CDKAL1: variants seen among roughly 807,000 people sequenced by gnomAD.
The protein encoded by CDKAL1 is threonylcarbamoyladenosine tRNA methylthiotransferase.
Under a neutral mutation model 68.2 loss-of-function variants are expected in CDKAL1, and 32 were observed. That is an observed-to-expected ratio of 0.47 (90% CI 0.35 to 0.63). The LOEUF (loss-of-function observed/expected upper bound fraction) is 0.63, where lower values mean the gene tolerates loss of function less well. CDKAL1 is among the 30% of genes least tolerant of loss of function. CDKAL1 has a pLI of 0.00. For synonymous variants in CDKAL1, 234 were observed against 244.3 expected (o/e 0.96, Z 0.39); for missense variants, 606 against 696.7 (o/e 0.87, Z 1.47).
chr6:20,758,579 T>A lies in CDKAL1; in HGVS notation c.469-16T>A. 5.0e-6 allele frequency: 7 copies of A among 1,392,850 alleles called. No individual in the cohort carries two copies. The highest frequency in any genetic ancestry group is 1.4e-5 in the South Asian group (1 of 69,066). The allele number at this position is 1,392,850 out of a possible 1,614,324, so 86.3% of individuals were successfully genotyped here. A position where few individuals can be genotyped will look rare whatever the true frequency, so the allele number is the denominator to read the frequency against. Reference sequence around the variant, plus strand: ...TCGTGTAAATTACTTGTGTAATCGTTTTTTTTTTTTTCCAGGTTCAGCAGA... The same window carrying A: ...TCGTGTAAATTACTTGTGTAATCGTATTTTTTTTTTTCCAGGTTCAGCAGA... On this transcript the variant is annotated splice_polypyrimidine_tract_variant and intron_variant, in intron 6 of 15. Transcript: ENST00000274695.
Position 20,712,405 on chromosome 6 carries a change from A to T in CDKAL1, c.372-27114A>T, listed in dbSNP as rs79466986. ...CATACCCTTCTTCTGTATCTATAAGAGCACAAAACTTAGCCATGATGGTGT... is the reference window on the plus strand; with the variant it reads ...CATACCCTTCTTCTGTATCTATAAGTGCACAAAACTTAGCCATGATGGTGT... On this transcript the variant is annotated intron_variant, in intron 5 of 15. Transcript: ENST00000274695. 1.9e-4 allele frequency among the ~76,000 whole-genome samples: 29 copies of T among 152,174 alleles called. No homozygotes were observed. In the East Asian group the frequency reaches 3.3e-3, roughly 17 times the overall value.
chr6:21,125,586 C>T (rs190385878), intron 13 of CDKAL1, among the ~76,000 whole-genome samples: 4 of 152,088 alleles, frequency 2.6e-5, no homozygotes, highest in African/African-American at 7.2e-5. Flanking sequence ...GCAGGAGAAT[C>T]GCTTGAACCC....
Position 20,792,435 on chromosome 6 carries a change from A to T in CDKAL1, c.638+11170A>T, listed in dbSNP as rs529694876. Among the ~76,000 whole-genome samples the T allele has an allele frequency of 5.3e-5, 8 of 152,300 alleles. No homozygotes were observed. In the East Asian group the frequency reaches 1.5e-3, roughly 29 times the overall value. On this transcript the variant is annotated intron_variant, in intron 8 of 15. Transcript: ENST00000274695. The stretch of plus-strand genomic sequence containing the variant: ...TAGGTTAACCTTAAAGTAAGTATTA[A>T]TTGTGAGATCATATAGGTTTACAAA...
chr6:20,640,440 G>A (rs573771616), intron 4 of CDKAL1, among the ~76,000 whole-genome samples: 1 of 152,332 alleles, frequency 6.6e-6, no homozygotes, highest in East Asian at 1.9e-4. Context: ...CCTGCAGGGG[G>A]AAGGGCAGAT....
chr6:21,190,413 G>T (rs1018805258), intron 13 of CDKAL1, among the ~76,000 whole-genome samples: 2 of 151,814 alleles, frequency 1.3e-5, no homozygotes, highest in African/African-American at 2.4e-5. Flanking sequence ...TGTCGCCCAG[G>T]CTGGAGTGCA....
At chr6:20,818,335 C>G (rs778375715) in intron 8 of CDKAL1, among the ~76,000 whole-genome samples, 1 of 152,084 alleles carries the variant, frequency 6.6e-6, no homozygotes, top group Non-Finnish European at 1.5e-5. Context: ...ACATACTATA[C>G]AGCAATAAAC....
At chr6:21,059,319 C>T (rs1312045015) in intron 11 of CDKAL1, among the ~76,000 whole-genome samples, 1 of 152,192 alleles carries the variant, frequency 6.6e-6, no homozygotes, top group Non-Finnish European at 1.5e-5. Flanking sequence ...GCCACCCTCA[C>T]CTCTAGGAAC....
chr6:20,840,615 G>C (rs962025687), intron 8 of CDKAL1, among the ~76,000 whole-genome samples: 1 of 152,194 alleles, frequency 6.6e-6, no homozygotes, highest in African/African-American at 2.4e-5. Flanking sequence ...GAAGCTTAAA[G>C]AAGGTAGGGT....
chr6:20,838,851 T>C (rs1778062812), intron 8 of CDKAL1, among the ~76,000 whole-genome samples: 2 of 152,006 alleles, frequency 1.3e-5, no homozygotes, highest in South Asian at 4.1e-4. Flanking sequence ...GGCGGGTGCC[T>C]GTAGTCCCAG....
At chr6:20,889,319 G>A (rs1270473452) in intron 9 of CDKAL1, among the ~76,000 whole-genome samples, 3 of 152,068 alleles carry the variant, frequency 2.0e-5, no homozygotes, top group African/African-American at 7.2e-5. Context: ...CATGTTGTAG[G>A]TTGCCTATTC....
At chr6:21,112,190 C>G (rs1204326578) in intron 13 of CDKAL1, among the ~76,000 whole-genome samples, 1 of 152,128 alleles carries the variant, frequency 6.6e-6, no homozygotes, top group African/African-American at 2.4e-5. Context: ...AGACATTTCT[C>G]TGCACATAAA....
intron 5 of CDKAL1, among the ~76,000 whole-genome samples, chr6:20,676,236 A>G (rs1770089238): frequency 6.6e-6 from 1 of 152,120 alleles, no homozygotes; most frequent in African/African-American, 2.4e-5. Flanking sequence ...TGTAGTCTAA[A>G]TGTACAGTGT....
At chr6:20,634,977 CAAAAAA>C (rs142659533) in intron 4 of CDKAL1, among the ~76,000 whole-genome samples, 141 of 99,846 alleles carry the variant, frequency 1.4e-3, no homozygotes, top group African/African-American at 4.3e-3. Flanking sequence ...AACCCCGTCT[CAAAAAA>C]AAAAAAAAAA....
intron 13 of CDKAL1, among the ~76,000 whole-genome samples, chr6:21,131,080 T>C (rs1435904531): frequency 6.6e-6 from 1 of 152,188 alleles, no homozygotes; most frequent in Non-Finnish European, 1.5e-5. Flanking sequence ...AAACAGTAGA[T>C]CCAGTGTAAA....
chr6:20,713,340 TTA>T (rs375726987), intron 5 of CDKAL1, among the ~76,000 whole-genome samples: 125 of 152,322 alleles, frequency 8.2e-4, no homozygotes, highest in Non-Finnish European at 1.4e-3. Flanking sequence ...ACTGCCATTT[TTA>T]TATGTTTTGT....
At chr6:20,952,448 T>G (rs1764580833) in intron 9 of CDKAL1, among the ~76,000 whole-genome samples, 1 of 152,152 alleles carries the variant, frequency 6.6e-6, no homozygotes, top group Non-Finnish European at 1.5e-5. Flanking sequence ...CCAATAGGGA[T>G]GGATGCAAAG....
intron 13 of CDKAL1, among the ~76,000 whole-genome samples, chr6:21,160,281 A>G (rs893680153): frequency 3.9e-5 from 6 of 151,996 alleles, no homozygotes; most frequent in African/African-American, 1.4e-4. Flanking sequence ...AATGGGAAAT[A>G]AAGATTTTCT....
At chr6:20,761,445 T>G (rs1774460247) in intron 7 of CDKAL1, among the ~76,000 whole-genome samples, 1 of 152,236 alleles carries the variant, frequency 6.6e-6, no homozygotes, top group African/African-American at 2.4e-5. Flanking sequence ...AGTTGAAAAC[T>G]TACGTCTATA....
chr6:20,841,257 A>G (rs1778163216), intron 8 of CDKAL1, among the ~76,000 whole-genome samples: 1 of 152,196 alleles, frequency 6.6e-6, no homozygotes, highest in African/African-American at 2.4e-5. Flanking sequence ...CTTGAGTCCA[A>G]ATGGTTTTTG....
Sources: allele counts gnomAD v4.1 joint callset (sites outside exome capture counted in the v4.1 genomes callset), GRCh38; gene constraint gnomAD v4.1.1; transcripts MANE v1.5; gene names NCBI Gene and HGNC (gene_info 2026-07-23, HGNC 2026-07-21).